Variants in PTPN13 observed in about 807,000 individuals in gnomAD.
The protein encoded by PTPN13 is tyrosine-protein phosphatase non-receptor type 13.
In PTPN13, 191 loss-of-function variants were observed where a neutral mutation model predicts 284.0. That is an observed-to-expected ratio of 0.67 (90% CI 0.60 to 0.76). The LOEUF (loss-of-function observed/expected upper bound fraction) is 0.76. Ranked by LOEUF, PTPN13 falls within the 30% of genes least tolerant of loss-of-function variation. The pLI is 0.00. For synonymous variants in PTPN13, 986 were observed against 1,022.3 expected (o/e 0.96, Z 0.68); for missense variants, 2,797 against 2,939.9 (o/e 0.95, Z 1.12).
intron 1 of PTPN13, among the ~76,000 whole-genome samples, chr4:86,622,397 A>C (rs752339128): frequency 6.6e-6 from 1 of 152,240 alleles, no homozygotes; most frequent in Non-Finnish European, 1.5e-5. Flanking sequence ...AACTAAGTAC[A>C]TAAAGCCCCT....
At chr4:86,727,244 T>G (rs1231334488) in intron 10 of PTPN13, among the ~76,000 whole-genome samples, 1 of 149,784 alleles carries the variant, frequency 6.7e-6, no homozygotes, top group Non-Finnish European at 1.5e-5. Flanking sequence ...TTCACATTGA[T>G]GTTCATCAGG....
intron 2 of PTPN13, among the ~76,000 whole-genome samples, chr4:86,646,267 T>TA (rs1294518693): frequency 6.7e-6 from 1 of 148,582 alleles, no homozygotes; most frequent in Non-Finnish European, 1.5e-5. Context: ...GGAAAAGACC[T>TA]ACACTGGGAG....
chr4:86,805,789 G>A (rs1744584600), intron 44 of PTPN13, among the ~76,000 whole-genome samples: 2 of 152,220 alleles, frequency 1.3e-5, no homozygotes, highest in East Asian at 3.9e-4. Context: ...ATGAATAGCT[G>A]TATATATATG....
At chr4:86,794,018 A>G (rs1743009293) in intron 40 of PTPN13, among the ~76,000 whole-genome samples, 1 of 152,330 alleles carries the variant, frequency 6.6e-6, no homozygotes, top group African/African-American at 2.4e-5. Context: ...ACTGAAGGAG[A>G]TAGAGACACA....
At chr4:86,794,495 G>GCTACCA (rs1743084787) in intron 40 of PTPN13, among the ~76,000 whole-genome samples, 1 of 152,138 alleles carries the variant, frequency 6.6e-6, no homozygotes, top group Non-Finnish European at 1.5e-5. Context: ...TAGATTCAAT[G>GCTACCA]CTATCCCCAT....
chr4:86,595,440 A>G (rs1439289084), intron 1 of PTPN13, among the ~76,000 whole-genome samples: 1 of 152,104 alleles, frequency 6.6e-6, no homozygotes, highest in Admixed American at 6.5e-5. Flanking sequence ...TGGGAAGCTA[A>G]AGTTAAACCA....
intron 7 of PTPN13, 92 bp downstream of exon 7, chr4:86,701,893 T>G (rs1731206707): frequency 8.0e-7 from 1 of 1,256,816 alleles, no homozygotes; most frequent in Non-Finnish European, 1.1e-6. Context: ...TCCACAAGTC[T>G]TATTTTCACT....
At chr4:86,779,279 T>C (rs1012647965) in intron 35 of PTPN13, among the ~76,000 whole-genome samples, 9 of 151,804 alleles carry the variant, frequency 5.9e-5, no homozygotes, top group African/African-American at 1.9e-4. Flanking sequence ...TAGCCGGGCG[T>C]GGTGGCGGGC....
At chr4:86,774,054 A>G (rs1235480676) in intron 32 of PTPN13, among the ~76,000 whole-genome samples, 2 of 152,158 alleles carry the variant, frequency 1.3e-5, no homozygotes, top group African/African-American at 4.8e-5. Context: ...TTGATCATCA[A>G]AGTATAACCA....
chr4:86,595,829 A>C (rs1763693793), intron 1 of PTPN13: 1 of 858,794 alleles, frequency 1.2e-6, no homozygotes, highest in Non-Finnish European at 1.4e-6. Context: ...TTATATCTAG[A>C]AAGTTTACTA....
chr4:86,693,071 T>TTAAAAAAA (rs368293283), intron 5 of PTPN13, among the ~76,000 whole-genome samples: 1 of 112,304 alleles, frequency 8.9e-6, no homozygotes, highest in Non-Finnish European at 1.8e-5. Flanking sequence ...CCGTTATATT[T>TTAAAAAAA]AAAAAAAAAA....
At chr4:86,748,588 C>T (rs1737036664) in intron 17 of PTPN13, among the ~76,000 whole-genome samples, 1 of 151,826 alleles carries the variant, frequency 6.6e-6, no homozygotes, top group African/African-American at 2.4e-5. Context: ...ACAGGCTACT[C>T]GTAAAGTAAA....
At chr4:86,745,710 A>T (rs999826035) in intron 17 of PTPN13, among the ~76,000 whole-genome samples, 2 of 152,008 alleles carry the variant, frequency 1.3e-5, no homozygotes, top group Non-Finnish European at 2.9e-5. Flanking sequence ...TGGGAGGCGG[A>T]GGTTGCAGTG....
intron 1 of PTPN13, among the ~76,000 whole-genome samples, chr4:86,631,364 A>G (rs540961751): frequency 2.6e-5 from 4 of 152,220 alleles, no homozygotes; most frequent in South Asian, 2.1e-4. Flanking sequence ...CTGAAGTGCT[A>G]TAACAGTAAA....
At chr4:86,669,592 G>T (rs1340845226) in intron 2 of PTPN13, among the ~76,000 whole-genome samples, 1 of 152,062 alleles carries the variant, frequency 6.6e-6, no homozygotes, top group South Asian at 2.1e-4. Context: ...AGAGTGATAA[G>T]GAATTATGAA....
intron 7 of PTPN13, among the ~76,000 whole-genome samples, chr4:86,716,083 T>C (rs1328485840): frequency 6.6e-6 from 1 of 152,210 alleles, no homozygotes; most frequent in Non-Finnish European, 1.5e-5. Context: ...TTAGATTGTC[T>C]ATTCCTTATA....
chr4:86,726,350 G>A (rs1734253421), intron 10 of PTPN13, among the ~76,000 whole-genome samples: 1 of 149,088 alleles, frequency 6.7e-6, no homozygotes, highest in Non-Finnish European at 1.5e-5. Flanking sequence ...TTCTTATTCT[G>A]GGAAGAAAGT....
At position 86,807,913 on chromosome 4, in the gene PTPN13, C is replaced by T. The variant is rs757840175; in HGVS notation, c.7083+16C>T. 6.3e-7 allele frequency: 1 copy of T among 1,589,556 alleles called. No homozygotes were observed. The highest frequency in any genetic ancestry group is 1.1e-5 in the South Asian group (1 of 87,544). ...AGATATTCAGGTAAGTGAATGAAAT[C>T]TTTCCCTGTTGGAAGGTGTATCTCC... On this transcript the variant is annotated intron_variant, in intron 45 of 47. Transcript: ENST00000411767.
chr4:86,716,494 G>C lies in PTPN13; in HGVS notation c.1196-36G>C, dbSNP rs1009826789. 10 of 1,266,650 alleles carry C rather than the reference G, an allele frequency of 7.9e-6. No individual in the cohort carries two copies. In the African/African-American group the frequency reaches 1.4e-4, roughly 17 times the overall value. 78.5% of individuals were successfully genotyped at this position (1,266,650 alleles called of 1,614,324 possible). On this transcript the variant is annotated intron_variant, in intron 7 of 47. Transcript: ENST00000411767. ...TTGATTTATGTGGAATAGCTAATGA[G>C]TTTGCTTTCTAATCTTTTTGTTTTA...
Sources: gnomAD v4.1 joint callset for allele counts (sites outside exome capture counted in the v4.1 genomes callset) on GRCh38, gnomAD v4.1.1 for gene constraint, MANE v1.5 for transcripts, NCBI Gene and HGNC (gene_info 2026-07-23, HGNC 2026-07-21) for gene names.